ELMO1: variants seen among roughly 807,000 people sequenced by gnomAD.
ELMO1 encodes engulfment and cell motility protein 1.
Under a neutral mutation model 98.9 loss-of-function variants are expected in ELMO1, and 26 were observed. That is an observed-to-expected ratio of 0.26 (90% CI 0.19 to 0.36). The LOEUF (loss-of-function observed/expected upper bound fraction) is 0.36, where lower values mean the gene tolerates loss of function less well. Ranked by LOEUF, ELMO1 falls within the 10% of genes least tolerant of loss-of-function variation. ELMO1 has a pLI of 1.00. For missense variants in ELMO1, 627 were observed against 935.2 expected (o/e 0.67, Z 4.30); for synonymous variants, 346 against 346.0 (o/e 1.00, Z 0.00).
chr7:37,147,654 C>T (rs1788071003), intron 13 of ELMO1, among the ~76,000 whole-genome samples: 1 of 152,136 alleles, frequency 6.6e-6, no homozygotes, highest in Non-Finnish European at 1.5e-5. Flanking sequence ...TTAATATTAG[C>T]ACAACAAGAA....
chr7:36,908,616 A>C (rs1409449593), intron 16 of ELMO1, among the ~76,000 whole-genome samples: 1 of 152,154 alleles, frequency 6.6e-6, no homozygotes, highest in Non-Finnish European at 1.5e-5. Flanking sequence ...AGTGACAATC[A>C]AAGCCGGCTT....
intron 16 of ELMO1, among the ~76,000 whole-genome samples, chr7:36,908,385 T>A (rs1481932745): frequency 6.6e-6 from 1 of 152,248 alleles, no homozygotes; most frequent in African/African-American, 2.4e-5. Context: ...TTTCTTAGAA[T>A]TATAATTTGG....
intron 16 of ELMO1, among the ~76,000 whole-genome samples, chr7:36,900,079 C>T (rs1806375503): frequency 6.6e-6 from 1 of 152,170 alleles, no homozygotes; most frequent in Non-Finnish European, 1.5e-5. Flanking sequence ...TTTGTGGGCC[C>T]ACCCTAGATC....
At chr7:36,910,528 T>C (rs768774498) in intron 16 of ELMO1, among the ~76,000 whole-genome samples, 7 of 152,172 alleles carry the variant, frequency 4.6e-5, no homozygotes, top group Non-Finnish European at 1.0e-4. Context: ...AGTTTGGCTC[T>C]AGTGAAAGAT....
At chr7:37,246,404 G>A (rs1795007331) in intron 6 of ELMO1, among the ~76,000 whole-genome samples, 1 of 152,104 alleles carries the variant, frequency 6.6e-6, no homozygotes, top group African/African-American at 2.4e-5. Flanking sequence ...GCTAAGGTAG[G>A]GAGAAAGTAT....
chr7:37,181,725 C>T (rs1790871162), intron 13 of ELMO1, among the ~76,000 whole-genome samples: 1 of 152,182 alleles, frequency 6.6e-6, no homozygotes, highest in South Asian at 2.1e-4. Flanking sequence ...CCCAGGGTCA[C>T]ACAGCTAGTA....
At chr7:37,166,120 C>G (rs1318883370) in intron 13 of ELMO1, among the ~76,000 whole-genome samples, 1 of 152,224 alleles carries the variant, frequency 6.6e-6, no homozygotes, top group Admixed American at 6.5e-5. Flanking sequence ...TCTAGATTAT[C>G]TGCATAGAGG....
At chr7:36,969,599 G>A (rs964775520) in intron 16 of ELMO1, among the ~76,000 whole-genome samples, 1 of 152,140 alleles carries the variant, frequency 6.6e-6, no homozygotes, top group African/African-American at 2.4e-5. Flanking sequence ...GGAAGCTGCT[G>A]GTGGTGGTAT....
chr7:37,076,023 A>G (rs181354783), intron 15 of ELMO1, among the ~76,000 whole-genome samples: 91 of 152,356 alleles, frequency 6.0e-4, no homozygotes, highest in African/African-American at 1.7e-3. Context: ...AGTATGAAAC[A>G]CATTTGTACT....
chr7:37,068,741 G>C (rs1797115466), intron 15 of ELMO1, among the ~76,000 whole-genome samples: 1 of 152,120 alleles, frequency 6.6e-6, no homozygotes, highest in Middle Eastern at 3.2e-3. Context: ...AGGGGAGATA[G>C]TGGTGCTCAC....
At chr7:37,071,969 T>C (rs1797296791) in intron 15 of ELMO1, among the ~76,000 whole-genome samples, 1 of 152,194 alleles carries the variant, frequency 6.6e-6, no homozygotes, top group African/African-American at 2.4e-5. Context: ...GGAGAGCTCT[T>C]CAGCTGGGAG....
chr7:36,943,020 C>T (rs1249472098), intron 16 of ELMO1, among the ~76,000 whole-genome samples: 1 of 152,204 alleles, frequency 6.6e-6, no homozygotes, highest in Non-Finnish European at 1.5e-5. Flanking sequence ...GGCAGGCTGG[C>T]ATGTGGGACA....
rs536113646 is a variant in ELMO1, at chr7:37,290,406, T to C, written c.193-18524A>G. 7.2e-5 allele frequency among the ~76,000 whole-genome samples: 11 copies of C among 152,340 alleles called. No individual in the cohort carries two copies. The South Asian group carries it at 2.3e-3, about 32-fold the overall frequency. On this transcript the variant is annotated intron_variant, in intron 4 of 21. Transcript: ENST00000310758. ...CATATTAAAATTATGTAATCTCTGA[T>C]ACTTATTTTGTTAATCTTTAAAAGA... is the stretch of plus-strand genomic sequence containing the variant.
At chr7:37,328,240 G>A (rs1036597982) in intron 2 of ELMO1, among the ~76,000 whole-genome samples, 11 of 151,974 alleles carry the variant, frequency 7.2e-5, no homozygotes, top group Admixed American at 1.3e-4. Context: ...AAAGTTAGCC[G>A]AGTATAGTGG....
intron 4 of ELMO1, among the ~76,000 whole-genome samples, chr7:37,294,114 AAT>A (rs141989254): frequency 0.083 from 12,606 of 152,194 alleles, 694 homozygotes; most frequent in Non-Finnish European, 0.12. Flanking sequence ...AATCAATACA[AAT>A]CTGGAACTAT....
chr7:37,228,440 G>A (rs1220186929), intron 8 of ELMO1, among the ~76,000 whole-genome samples: 1 of 152,106 alleles, frequency 6.6e-6, no homozygotes, highest in Non-Finnish European at 1.5e-5. Flanking sequence ...TGACACAAGT[G>A]AGCCAACCCA....
chr7:37,028,412 GCAATCCTTA>G (rs1794698967), intron 15 of ELMO1, among the ~76,000 whole-genome samples: 1 of 152,072 alleles, frequency 6.6e-6, no homozygotes, highest in Non-Finnish European at 1.5e-5. Context: ...TTTTGGACAT[GCAATCCTTA>G]CAGTTGATAA....
chr7:37,406,353 C>A (rs1408120114), intron 1 of ELMO1, among the ~76,000 whole-genome samples: 1 of 150,748 alleles, frequency 6.6e-6, no homozygotes, highest in Non-Finnish European at 1.5e-5. Context: ...AACTCAGTAG[C>A]CACAACAATG....
At position 36,980,800 on chromosome 7, in the gene ELMO1, C is replaced by A. The variant is rs562251699; in HGVS notation, c.1437+32499G>T. Among the ~76,000 whole-genome samples the A allele has an allele frequency of 2.0e-5, 3 of 152,272 alleles. No homozygotes were observed. The East Asian group carries it at 5.8e-4, about 29-fold the overall frequency. On this transcript the variant is annotated intron_variant, in intron 16 of 21. Transcript: ENST00000310758. ...TCCATTCATGACTGAGAGTATTAGG[C>A]CTTGGCTTGGCTGAAAATCAGCAGA...
Sources: gnomAD v4.1 joint callset for allele counts (sites outside exome capture counted in the v4.1 genomes callset) on GRCh38, gnomAD v4.1.1 for gene constraint, MANE v1.5 for transcripts, NCBI Gene and HGNC (gene_info 2026-07-23, HGNC 2026-07-21) for gene names.